PPP6R2: variants seen among roughly 807,000 people sequenced by gnomAD.
The protein encoded by PPP6R2 is serine/threonine-protein phosphatase 6 regulatory subunit 2.
A neutral mutation model predicts 100.2 loss-of-function variants in PPP6R2; 62 were observed. The ratio of observed to expected loss-of-function variants is 0.62; its 90% CI spans 0.50 to 0.76. PPP6R2 has a LOEUF of 0.76. PPP6R2 is among the 30% of genes least tolerant of loss of function. PPP6R2 has a pLI of 0.00. For synonymous variants in PPP6R2, 525 were observed against 514.7 expected (o/e 1.02, Z -0.27); for missense variants, 1,142 against 1,276.3 (o/e 0.89, Z 1.60).
At chr22:50,356,125 G>C (rs1414934618) in intron 1 of PPP6R2, among the ~76,000 whole-genome samples, 1 of 150,726 alleles carries the variant, frequency 6.6e-6, no homozygotes. Context: ...ACCACGCCCG[G>C]CTAATTTTTT....
rs532803726 is a variant in PPP6R2 at position 50,431,601 on chromosome 22, C to T, written c.1335+219C>T. 1.4e-4 allele frequency among the ~76,000 whole-genome samples: 21 copies of T among 152,292 alleles called. No individual in the cohort carries two copies. The South Asian group carries it at 3.9e-3, about 29-fold the overall frequency. ...CCTGCCTTCAGCAGGGGTACTGGTG[C>T]CTTCCACGTGCAGGCCTGGCAAGGG... On this transcript the variant is annotated intron_variant, in intron 11 of 23. Transcript: ENST00000612753. The surrounding 1 kb of genome is among the most constrained non-coding windows in gnomAD (Gnocchi z 4.8).
At chr22:50,341,493 C>G (rs191957078), upstream of PPP6R2, among the ~76,000 whole-genome samples, 1 of 152,174 alleles carries the variant, frequency 6.6e-6, no homozygotes, top group Non-Finnish European at 1.5e-5. Context: ...TGTGAGCCAC[C>G]GTGCCCAGGC....
At chr22:50,393,851 T>C in intron 2 of PPP6R2, 42 bp from the exon 3 acceptor site, 1 of 1,608,052 alleles carries the variant, frequency 6.2e-7, no homozygotes, top group Non-Finnish European at 8.5e-7. Flanking sequence ...GAAGGTGGAT[T>C]TGCAAGGGTG....
At chr22:50,426,267 T>C (rs5770931) in intron 10 of PPP6R2, among the ~76,000 whole-genome samples, 58,531 of 152,110 alleles carry the variant, frequency 0.38, 11,701 homozygotes, top group East Asian at 0.67. Flanking sequence ...TACTCCTTGA[T>C]AATGACCTTT....
At chr22:50,418,546 C>T (rs2060863735) in intron 6 of PPP6R2, among the ~76,000 whole-genome samples, 1 of 151,992 alleles carries the variant, frequency 6.6e-6, no homozygotes, top group Admixed American at 6.6e-5. Context: ...GCCACCACGC[C>T]CGGCTAATTT....
intron 2 of PPP6R2, among the ~76,000 whole-genome samples, chr22:50,384,807 C>G (rs115118038): frequency 1.0e-3 from 156 of 152,262 alleles, no homozygotes; most frequent in Middle Eastern, 3.4e-3. Context: ...GGGGCACAAT[C>G]ATGGCTCACT....
In PPP6R2 at chr22:50,436,612, G is replaced by A. The variant is rs553326789; in HGVS notation, c.1602+160G>A. Among the ~76,000 whole-genome samples, 17 of 152,342 alleles carry A rather than the reference G, an allele frequency of 1.1e-4. No homozygotes were observed. In the South Asian group the frequency reaches 1.4e-3, roughly 13 times the overall value. On this transcript the variant is annotated intron_variant, in intron 14 of 23. Transcript: ENST00000612753. ...GGTGCCCCTGCATAGTGTGTCCTCC[G>A]GGCTGATGTCCGTAACAGAGACCCC...
intron 8 of PPP6R2, among the ~76,000 whole-genome samples, chr22:50,420,217 G>T (rs771334843): frequency 3.3e-5 from 5 of 152,174 alleles, no homozygotes; most frequent in Admixed American, 6.5e-5. Flanking sequence ...GTGGAGCCTC[G>T]CAGTCAGGGA....
chr22:50,359,217 CTT>C (rs368586121), intron 1 of PPP6R2, among the ~76,000 whole-genome samples: 9 of 129,156 alleles, frequency 7.0e-5, no homozygotes, highest in Admixed American at 1.6e-4. Flanking sequence ...CCAGGCTGGT[CTT>C]TTTTTTTTTT....
Position 50,423,287 on chromosome 22 carries a change from C to G in PPP6R2, c.973-175C>G, listed in dbSNP as rs1382721846. Among the ~76,000 whole-genome samples, 1 of 152,130 alleles carries G rather than the reference C, an allele frequency of 6.6e-6. No homozygotes were observed. Among genetic ancestry groups the G allele is most frequent in the Non-Finnish European group, 1.5e-5 (1 of 68,014 alleles). ...CCTGAGGGGAGCAGCAGGCTCTTCA[C>G]CCCATTGATGCCTTCATTTCTTCTG... On this transcript the variant is annotated intron_variant, in intron 9 of 23. Coordinates refer to ENST00000612753, the MANE Select transcript of PPP6R2 (RefSeq NM_001242898.2). This position sits in a 1 kb window ranked among gnomAD's most constrained non-coding sequence, Gnocchi z 4.8.
At chr22:50,373,514 A>T (rs2050767545) in intron 2 of PPP6R2, among the ~76,000 whole-genome samples, 2 of 151,682 alleles carry the variant, frequency 1.3e-5, no homozygotes, top group Admixed American at 6.6e-5. Context: ...AAGTGCTGGG[A>T]TTACAGGCGT....
At chr22:50,440,721 G>C in intron 21 of PPP6R2, 101 bp from the exon 22 acceptor site, 1 of 1,326,254 alleles carries the variant, frequency 7.5e-7, no homozygotes, top group Non-Finnish European at 1.1e-6. Flanking sequence ...GCAACAGGCT[G>C]CATGTGAGAG....
intron 22 of PPP6R2, among the ~76,000 whole-genome samples, chr22:50,441,543 C>T (rs778934743): frequency 8.5e-5 from 13 of 152,178 alleles, no homozygotes; most frequent in Non-Finnish European, 1.9e-4. Flanking sequence ...GATTCCGAGA[C>T]GCCTCAGAAG....
chr22:50,346,450 A>C (rs1042949061), intron 1 of PPP6R2, among the ~76,000 whole-genome samples: 32 of 40,388 alleles, frequency 7.9e-4, no homozygotes, highest in Middle Eastern at 0.019. Context: ...AGTGCCCCCC[A>C]AGTCAGTTTC....
At chr22:50,335,678 A>ATTTTTTTTTTTT in the PPP6R2 span, among the ~76,000 whole-genome samples, 3 of 128,982 alleles carry the variant, frequency 2.3e-5, no homozygotes, top group South Asian at 2.5e-4. Flanking sequence ...CACCCAACTA[A>ATTTTTTTTTTTT]TTTTTTTTTT....
rs2056205873 is a variant in PPP6R2, at chr22:50,394,063, A to G, written c.155A>G (p.Gln52Arg). 6.2e-7 allele frequency: 1 copy of G among 1,614,200 alleles called. No homozygotes were observed. The highest frequency in any genetic ancestry group is 8.5e-7 in the Non-Finnish European group (1 of 1,180,026). The stretch of plus-strand genomic sequence containing the variant: ...CTGCTGGACTTCCTGTGCAGGCAGC[A>G]GTGCATGGAGGAGCTGGTGAGCCTC... The part of the protein sequence containing the change: ...QKLLDFLCRQ[Q>R]CMEELVSLIT... The change falls in exon 3 of 24, where the codon CAG becomes CGG. Residue 52 changes from glutamine to arginine, a missense_variant. By Grantham distance (43) the Gln-to-Arg change is conservative. Transcript: ENST00000612753.
intron 2 of PPP6R2, among the ~76,000 whole-genome samples, chr22:50,382,519 CAAA>C (rs147082481): frequency 1.6e-5 from 2 of 126,674 alleles, no homozygotes; most frequent in Non-Finnish European, 1.7e-5. Context: ...AATCCGTCTC[CAAA>C]AAAAAAAAAA....
At chr22:50,386,676 T>C (rs1024381787) in intron 2 of PPP6R2, among the ~76,000 whole-genome samples, 1 of 152,186 alleles carries the variant, frequency 6.6e-6, no homozygotes, top group South Asian at 2.1e-4. Flanking sequence ...AGGGTCTTTA[T>C]GGTTTTTGGT....
At chr22:50,359,003 C>A (rs796071225) in intron 1 of PPP6R2, among the ~76,000 whole-genome samples, 4 of 87,314 alleles carry the variant, frequency 4.6e-5, no homozygotes, top group Non-Finnish European at 7.3e-5. Context: ...CCCCCCCCCC[C>A]CCCAACTCTT....
Sources: allele counts gnomAD v4.1 joint callset (sites outside exome capture counted in the v4.1 genomes callset), GRCh38; gene constraint gnomAD v4.1.1; non-coding constraint Gnocchi (gnomAD v3.1); transcripts MANE v1.5; gene names NCBI Gene and HGNC (gene_info 2026-07-23, HGNC 2026-07-21).